The following GPR39 variants were observed in gnomAD, a reference collection of about 807,000 sequenced individuals.
GPR39 encodes zinc sensing receptor.
Under a neutral mutation model 18.4 loss-of-function variants are expected in GPR39, and 23 were observed. The ratio of observed to expected loss-of-function variants is 1.25; its 90% confidence interval spans 0.90 to 1.77. The LOEUF is 1.77. Ranked by LOEUF, GPR39 falls within the 40% of genes most tolerant of loss-of-function variation. The pLI is 0.00. For synonymous variants in GPR39, 280 were observed against 257.9 expected, an observed-to-expected ratio of 1.09 and a Z score of -0.82; for missense variants, 647 against 602.4, an observed-to-expected ratio of 1.07 and a Z score of -0.78.
At chr2:132,558,809 G>A (rs959787817) in intron 1 of GPR39, among the ~76,000 whole-genome samples, 1 of 152,138 alleles carries the variant, frequency 6.6e-6, no homozygotes, top group East Asian at 1.9e-4. Context: ...GGGCAGACCT[G>A]GAAGGAGGAG....
intron 1 of GPR39, among the ~76,000 whole-genome samples, chr2:132,456,244 CT>C (rs1213423761): frequency 6.6e-6 from 1 of 150,688 alleles, no homozygotes; most frequent in Non-Finnish European, 1.5e-5. Context: ...CCTTCTTTGT[CT>C]CTTTTGATCT....
At chr2:132,555,463 T>C (rs1339251688) in intron 1 of GPR39, among the ~76,000 whole-genome samples, 6 of 152,136 alleles carry the variant, frequency 3.9e-5, no homozygotes, top group Admixed American at 6.6e-5. Flanking sequence ...GCTTCCAAGA[T>C]GGTGCACTCA....
intron 1 of GPR39, among the ~76,000 whole-genome samples, chr2:132,511,752 C>G (rs1224964615): frequency 6.6e-6 from 1 of 152,162 alleles, no homozygotes; most frequent in African/African-American, 2.4e-5. Flanking sequence ...ATTGATTAAG[C>G]ATTTATTGGT....
chr2:132,476,707 G>A (rs929383664), intron 1 of GPR39, among the ~76,000 whole-genome samples: 12 of 150,906 alleles, frequency 8.0e-5, no homozygotes, highest in Admixed American at 4.0e-4. Flanking sequence ...ATAACATGGC[G>A]GGAAAAGGAA....
chr2:132,435,132 G>A (rs1203611244), intron 1 of GPR39, among the ~76,000 whole-genome samples: 2 of 152,092 alleles, frequency 1.3e-5, no homozygotes, highest in Non-Finnish European at 2.9e-5. Flanking sequence ...AAGAAGGGCT[G>A]GTACCATATG....
chr2:132,432,264 T>A (rs188293997), intron 1 of GPR39, among the ~76,000 whole-genome samples: 1 of 152,178 alleles, frequency 6.6e-6, no homozygotes, highest in African/African-American at 2.4e-5. Context: ...AACTGCTGAC[T>A]TCTCGCTGTG....
intron 1 of GPR39, among the ~76,000 whole-genome samples, chr2:132,450,108 G>T (rs1680606599): frequency 6.6e-6 from 1 of 152,170 alleles, no homozygotes; most frequent in African/African-American, 2.4e-5. Context: ...AATATACTTT[G>T]CTTATCACCC....
intron 1 of GPR39, among the ~76,000 whole-genome samples, chr2:132,515,970 T>C (rs1679324645): frequency 1.3e-5 from 2 of 152,224 alleles, no homozygotes; most frequent in East Asian, 3.8e-4. Flanking sequence ...AAAATTTATA[T>C]GAAGTAAATT....
intron 1 of GPR39, among the ~76,000 whole-genome samples, chr2:132,448,988 G>A (rs1021637923): frequency 1.3e-5 from 2 of 152,150 alleles, no homozygotes; most frequent in African/African-American, 4.8e-5. Flanking sequence ...CCAGCTCTCC[G>A]CAACCCCCTG....
intron 1 of GPR39, among the ~76,000 whole-genome samples, chr2:132,538,738 G>A (rs143093868): frequency 0.01 from 1,525 of 152,286 alleles, 15 homozygotes; most frequent in Non-Finnish European, 0.012. Context: ...TGGAGCTGCT[G>A]GATTTGCTGC....
In GPR39 at chr2:132,420,737, C is replaced by T. The variant is rs143840552; in HGVS notation, c.856+2839C>T. On this transcript the variant is annotated intron_variant, in intron 1 of 1. Transcript: ENST00000329321. ...GACAGAAACAAAATTCATAAATCTACGCAAGATGAGGAAGCCCATGTAAAA... is the reference window on the plus strand; with the variant it reads ...GACAGAAACAAAATTCATAAATCTATGCAAGATGAGGAAGCCCATGTAAAA... Among the ~76,000 whole-genome samples, 5 of 152,304 alleles carry T rather than the reference C, an allele frequency of 3.3e-5. 1 individual carries two copies. Among genetic ancestry groups the T allele is most frequent in the East Asian group, 3.9e-4 (2 of 5,186 alleles).
intron 1 of GPR39, among the ~76,000 whole-genome samples, chr2:132,599,435 C>G (rs60167026): frequency 6.6e-6 from 1 of 152,086 alleles, no homozygotes; most frequent in Non-Finnish European, 1.5e-5. Context: ...GGCAACTGAC[C>G]GTGGCTAGAG....
At position 132,645,863 on chromosome 2, in the gene GPR39, T is replaced by C. The variant is rs1034374477; in HGVS notation, c.*257T>C. On this transcript the variant is annotated 3_prime_UTR_variant, in exon 2 of 2. Coordinates refer to ENST00000329321, the MANE Select transcript of GPR39 (RefSeq NM_001508.3). ...GTACATACTGAAAATTCAGTCAGGC[T>C]GAATTTATTCAGAATGCTTTACCGA... 3 of 658,390 alleles carry C rather than the reference T, an allele frequency of 4.6e-6. No individual in the cohort carries two copies. Among genetic ancestry groups the C allele is most frequent in the Admixed American group, 3.3e-5 (1 of 30,342 alleles). 40.8% of individuals were successfully genotyped at this position (658,390 alleles called of 1,614,324 possible). A position where few individuals can be genotyped will look rare whatever the true frequency, so the allele number is the denominator to read the frequency against.
Position 132,470,840 on chromosome 2 carries a change from C to A in GPR39, c.856+52942C>A, listed in dbSNP as rs545297155. On this transcript the variant is annotated intron_variant, in intron 1 of 1. Coordinates refer to ENST00000329321, the MANE Select transcript of GPR39 (RefSeq NM_001508.3). ...GATGGGCCAGCCTGTGACCTCCCAA[C>A]CCCCACCTGACACTGTTTCTGTAAC... Among the ~76,000 whole-genome samples, 3 of 152,192 alleles carry A rather than the reference C, an allele frequency of 2.0e-5. No individual in the cohort carries two copies. The South Asian group carries it at 6.2e-4, about 32-fold the overall frequency.
intron 1 of GPR39, among the ~76,000 whole-genome samples, chr2:132,434,600 T>C (rs1283813932): frequency 6.6e-6 from 1 of 152,124 alleles, no homozygotes; most frequent in Admixed American, 6.5e-5. Context: ...CCTTTAAGTC[T>C]CATTACACGT....
chr2:132,479,976 C>T (rs1336056782), intron 1 of GPR39, among the ~76,000 whole-genome samples: 1 of 152,112 alleles, frequency 6.6e-6, no homozygotes, highest in African/African-American at 2.4e-5. Flanking sequence ...TAAAATGGTA[C>T]AGCCACTGTG....
At chr2:132,450,835 C>G (rs764965663) in intron 1 of GPR39, among the ~76,000 whole-genome samples, 9 of 152,248 alleles carry the variant, frequency 5.9e-5, no homozygotes, top group Non-Finnish European at 4.4e-5. Context: ...CTCCAGCAGA[C>G]AGCAGGGTTT....
intron 1 of GPR39, chr2:132,488,671 C>T (rs755307257): frequency 3.3e-5 from 5 of 152,294 alleles, no homozygotes; most frequent in Admixed American, 6.5e-5. Context: ...GTGGCTGCCC[C>T]GAGGCTGAAG....
intron 1 of GPR39, among the ~76,000 whole-genome samples, chr2:132,609,534 T>C (rs1048451774): frequency 6.6e-6 from 1 of 152,210 alleles, no homozygotes; most frequent in Non-Finnish European, 1.5e-5. Flanking sequence ...ATTACTATTC[T>C]AGATGGCTTC....
Sources: gnomAD v4.1 joint callset for allele counts (sites outside exome capture counted in the v4.1 genomes callset) on GRCh38, gnomAD v4.1.1 for gene constraint, MANE v1.5 for transcripts, NCBI Gene and HGNC (gene_info 2026-07-23, HGNC 2026-07-21) for gene names.